The following GTF2IRD2B variants were observed in gnomAD, a reference collection of about 807,000 sequenced individuals.
GTF2IRD2B encodes the protein general transcription factor II-I repeat domain-containing protein 2B.
A neutral mutation model predicts 55.6 loss-of-function variants in GTF2IRD2B; 10 were observed. That is an observed-to-expected ratio of 0.18 (90% CI 0.11 to 0.31). The LOEUF (loss-of-function observed/expected upper bound fraction) is 0.31. GTF2IRD2B is among the 10% of genes least tolerant of loss of function. The pLI is 1.00. For missense variants in GTF2IRD2B, 206 were observed against 802.7 expected (o/e 0.26, Z 8.98); for synonymous variants, 107 against 320.5 (o/e 0.33, Z 7.12).
intron 3 of GTF2IRD2B, among the ~76,000 whole-genome samples, chr7:75,115,097 T>G (rs1808096408): frequency 8.9e-5 from 1 of 11,192 alleles, no homozygotes; most frequent in Admixed American, 1.4e-3. Flanking sequence ...CGTGCCCAGC[T>G]TTTTTTTTTT....
At chr7:75,123,759 T>G in intron 6 of GTF2IRD2B, 1 of 583,132 alleles carries the variant, frequency 1.7e-6, no homozygotes, top group Non-Finnish European at 3.0e-6. Context: ...GCGCCTGTAG[T>G]CCCAGCTACT....
At chr7:75,142,178 TG>T (rs1318265554) in intron 13 of GTF2IRD2B, among the ~76,000 whole-genome samples, 6 of 149,868 alleles carry the variant, frequency 4.0e-5, no homozygotes, top group African/African-American at 1.5e-4. Context: ...TTTTGTGTTT[TG>T]TTTTGAGGCA....
intron 3 of GTF2IRD2B, among the ~76,000 whole-genome samples, chr7:75,118,993 AG>A (rs1808264236): frequency 7.9e-6 from 1 of 125,900 alleles, no homozygotes. Flanking sequence ...CAGTAGTTCT[AG>A]ACCAGCCTGG....
intron 1 of GTF2IRD2B, among the ~76,000 whole-genome samples, chr7:75,099,736 CAAAA>C (rs1554449243): frequency 5.5e-5 from 4 of 73,142 alleles, no homozygotes; most frequent in Admixed American, 2.9e-4. Flanking sequence ...GACTCCGTCT[CAAAA>C]TAAATAAATA....
chr7:75,115,192 C>T (rs1425445508), intron 3 of GTF2IRD2B, among the ~76,000 whole-genome samples: 1 of 146,014 alleles, frequency 6.8e-6, no homozygotes, highest in Non-Finnish European at 1.5e-5. Flanking sequence ...CTGTCTTGGC[C>T]TCCCAAGTAG....
intron 3 of GTF2IRD2B, among the ~76,000 whole-genome samples, chr7:75,114,094 TAGAGAGAGAGAGAGAG>T (rs781910109): frequency 7.0e-6 from 1 of 142,194 alleles, no homozygotes; most frequent in Non-Finnish European, 1.5e-5. Flanking sequence ...GATGAATGGA[TAGAGAGAGAGAGAGAG>T]AGAGAGATGA....
chr7:75,113,895 T>C lies in GTF2IRD2B; in HGVS notation c.238+1360T>C, dbSNP rs1400199963. On this transcript the variant is annotated intron_variant, in intron 3 of 15. Transcript: ENST00000472837. ...GTGTGTGTGTGTGTCTGTGTGTGTATAAGTAGATTAGATAGGTAGATAGAT... is the reference window on the plus strand; with the variant it reads ...GTGTGTGTGTGTGTCTGTGTGTGTACAAGTAGATTAGATAGGTAGATAGAT... Among the ~76,000 whole-genome samples, 11 of 148,906 alleles carry C rather than the reference T, an allele frequency of 7.4e-5. 1 individual carries two copies. Among genetic ancestry groups the C allele is most frequent in the African/African-American group, 2.5e-4 (10 of 40,126 alleles).
At chr7:75,126,446 A>T in intron 8 of GTF2IRD2B, 61 bp downstream of exon 8, 1 of 488,978 alleles carries the variant, frequency 2.0e-6, no homozygotes, top group East Asian at 3.8e-5. Context: ...CACGCCTGTA[A>T]TCCCAGCAAT....
At chr7:75,121,679 G>T (rs1554536498) in intron 4 of GTF2IRD2B, among the ~76,000 whole-genome samples, 1 of 150,548 alleles carries the variant, frequency 6.6e-6, no homozygotes, top group Non-Finnish European at 1.5e-5. Context: ...GGTTGGTCTC[G>T]AACTCCTGAC....
At chr7:75,126,736 C>T (rs1247308913) in intron 8 of GTF2IRD2B, among the ~76,000 whole-genome samples, 13 of 149,366 alleles carry the variant, frequency 8.7e-5, no homozygotes, top group African/African-American at 3.2e-4. Context: ...GTGGATCACG[C>T]CTGTAATCCC....
rs1809260982 is a variant in GTF2IRD2B at position 75,149,373 on chromosome 7, C to A, written c.*76C>A. On this transcript the variant is annotated 3_prime_UTR_variant, in exon 16 of 16. Coordinates refer to ENST00000472837, the MANE Select transcript of GTF2IRD2B (RefSeq NM_001003795.3). ...CTAGTCCCAAGGGATTGGGAGATGA[C>A]AAAATGAATTTTTTTTTTCTTTTTT... 1 of 775,068 alleles carries A rather than the reference C, an allele frequency of 1.3e-6. No homozygotes were observed. The allele number at this position is 775,068 out of a possible 1,614,324, so 48.0% of individuals were successfully genotyped here.
Position 75,148,345 on chromosome 7 carries a change from C to G in GTF2IRD2B, c.1898C>G (p.Thr633Arg). Residue 633 changes from threonine to arginine, a missense_variant, in exon 16 of 16, where the codon ACA becomes AGA. Physicochemically the swap from Thr to Arg is moderately conservative, Grantham distance 71 (BLOSUM62 -1). Coordinates refer to ENST00000472837, the MANE Select transcript of GTF2IRD2B (RefSeq NM_001003795.3). ...AMVDANNGLVTKLKSRVATFC... is the reference protein window; with the variant it reads ...AMVDANNGLVRKLKSRVATFC... ...GTGGATGCCAATAACGGGCTTGTCACAAAACTGAAGTCCAGGGTGGCGACG... is the reference window on the plus strand; with the variant it reads ...GTGGATGCCAATAACGGGCTTGTCAGAAAACTGAAGTCCAGGGTGGCGACG... 1 of 1,613,298 alleles carries G rather than the reference C, an allele frequency of 6.2e-7. No individual in the cohort carries two copies. Among genetic ancestry groups the G allele is most frequent in the Admixed American group, 1.7e-5 (1 of 59,870 alleles).
chr7:75,115,435 T>A lies in GTF2IRD2B; in HGVS notation c.238+2900T>A, dbSNP rs189666825. 1.1e-3 allele frequency among the ~76,000 whole-genome samples: 160 copies of A among 144,896 alleles called. 4 individuals are homozygous for A. Among genetic ancestry groups the A allele is most frequent in the Middle Eastern group, 0.011 (3 of 284 alleles). The stretch of plus-strand genomic sequence containing the variant: ...CCATATGAATTTTTTTTTATTTTTT[T>A]TTTTTTGAGACAGAATCTCGCTCTA... On this transcript the variant is annotated intron_variant, in intron 3 of 15. Coordinates refer to ENST00000472837, the MANE Select transcript of GTF2IRD2B (RefSeq NM_001003795.3).
At position 75,149,611 on chromosome 7, in the gene GTF2IRD2B, C is replaced by T; in HGVS notation, c.*314C>T. 2.8e-6 allele frequency: 1 copy of T among 354,972 alleles called. No individual in the cohort carries two copies. 22.0% of individuals were successfully genotyped at this position (354,972 alleles called of 1,614,324 possible). The stretch of plus-strand genomic sequence containing the variant: ...CAGGCTGGTCTCCAACTCCTGACCT[C>T]AGGTGATCCACCTGCCTCGACCTCA... On this transcript the variant is annotated 3_prime_UTR_variant, in exon 16 of 16. Coordinates refer to ENST00000472837, the MANE Select transcript of GTF2IRD2B (RefSeq NM_001003795.3).
intron 1 of GTF2IRD2B, among the ~76,000 whole-genome samples, chr7:75,097,003 A>G (rs1317583613): frequency 1.1e-4 from 9 of 80,406 alleles, no homozygotes; most frequent in African/African-American, 2.2e-4. Context: ...ACAACAAAAA[A>G]TTAGCTGGGT....
intron 1 of GTF2IRD2B, among the ~76,000 whole-genome samples, chr7:75,103,591 G>A (rs1246906565): frequency 1.3e-5 from 2 of 151,704 alleles, no homozygotes; most frequent in East Asian, 1.9e-4. Context: ...AAGGAACCTC[G>A]GGACAAGCAA....
intron 8 of GTF2IRD2B, among the ~76,000 whole-genome samples, chr7:75,130,436 C>T: frequency 8.4e-6 from 1 of 119,598 alleles, no homozygotes; most frequent in Non-Finnish European, 1.7e-5. Flanking sequence ...TCCTCGGCCT[C>T]CCAAAGTGCT....
intron 1 of GTF2IRD2B, among the ~76,000 whole-genome samples, chr7:75,105,207 A>G (rs1807744725): frequency 9.1e-6 from 1 of 110,378 alleles, no homozygotes; most frequent in Non-Finnish European, 2.3e-5. Context: ...AACAAAAAAC[A>G]AAAAAAAAAC....
chr7:75,132,612 T>A (rs1808702272), intron 8 of GTF2IRD2B, among the ~76,000 whole-genome samples: 1 of 118,390 alleles, frequency 8.4e-6, no homozygotes, highest in African/African-American at 3.8e-5. Context: ...TGGAGTGCAG[T>A]GGCTCGATCT....
Sources: gnomAD v4.1 joint callset for allele counts (sites outside exome capture counted in the v4.1 genomes callset) on GRCh38, gnomAD v4.1.1 for gene constraint, MANE v1.5 for transcripts, NCBI Gene and HGNC (gene_info 2026-07-23, HGNC 2026-07-21) for gene names.